Variants in BRIP1 observed in about 807,000 individuals in gnomAD.
BRIP1 encodes the protein Fanconi anemia group J protein.
In BRIP1, 88 loss-of-function variants were observed where a neutral mutation model predicts 119.7. The observed-to-expected ratio is 0.74, with a 90% CI of 0.62 to 0.88. The LOEUF is 0.88. Ranked by LOEUF, BRIP1 falls within the 40% of genes least tolerant of loss-of-function variation. The pLI is 0.00. For synonymous variants in BRIP1, 443 were observed against 496.5 expected (o/e 0.89, Z 1.43); for missense variants, 1,259 against 1,455.4 (o/e 0.87, Z 2.20).
At position 61,693,360 on chromosome 17, in the gene BRIP1, G is replaced by C; in HGVS notation, c.2575+70C>G. 1 of 1,310,932 alleles carries C rather than the reference G, an allele frequency of 7.6e-7. No individual in the cohort carries two copies. The highest frequency in any genetic ancestry group is 1.1e-6 in the Non-Finnish European group (1 of 904,422). 81.2% of individuals were successfully genotyped at this position (1,310,932 alleles called of 1,614,324 possible). A position where few individuals can be genotyped will look rare whatever the true frequency, so the allele number is the denominator to read the frequency against. The stretch of plus-strand genomic sequence containing the variant: ...AATAAGATAGTAGAGCTCATGTTAT[G>C]TGTTTTTCACCACAATAAAAATATG... On this transcript the variant is annotated intron_variant, in intron 18 of 19. Coordinates refer to ENST00000259008, the MANE Select transcript of BRIP1 (RefSeq NM_032043.3). The surrounding 1 kb of genome is among the most constrained non-coding windows in gnomAD (Gnocchi z 4.2).
chr17:61,814,388 A>G lies in BRIP1; in HGVS notation c.628-5631T>C, dbSNP rs1032182919. 5.3e-5 allele frequency among the ~76,000 whole-genome samples: 8 copies of G among 152,070 alleles called. No homozygotes were observed. The highest frequency in any genetic ancestry group is 1.4e-4 in the African/African-American group (6 of 41,446). The stretch of plus-strand genomic sequence containing the variant: ...GTGAGGATCAGTATCTACAACATAT[A>G]AAGAATTCCAATAAATCTATTTTTA... On this transcript the variant is annotated intron_variant, in intron 6 of 19. Coordinates refer to ENST00000259008, the MANE Select transcript of BRIP1 (RefSeq NM_032043.3). The surrounding 1 kb of genome is among the most constrained non-coding windows in gnomAD (Gnocchi z 4.9).
chr17:61,790,773 G>C (rs143975189), intron 10 of BRIP1, among the ~76,000 whole-genome samples: 1 of 151,714 alleles, frequency 6.6e-6, no homozygotes, highest in Non-Finnish European at 1.5e-5. Context: ...CCAAGTAGCT[G>C]GGACTACAGC....
intron 16 of BRIP1, among the ~76,000 whole-genome samples, chr17:61,716,788 C>A (rs2061876626): frequency 6.8e-6 from 1 of 146,072 alleles, no homozygotes; most frequent in Non-Finnish European, 1.5e-5. Flanking sequence ...CATATTATTT[C>A]CACTACTGGA....
Position 61,752,624 on chromosome 17 carries a change from A to G in BRIP1, c.2098-8033T>C, listed in dbSNP as rs796927667. On this transcript the variant is annotated intron_variant, in intron 14 of 19. Transcript: ENST00000259008. This position sits in a 1 kb window ranked among gnomAD's most constrained non-coding sequence, Gnocchi z 6.2. ...TTTTCTTATAGTCTATTCCTTTATT[A>G]AATTGCCTACAAGTACGTGAATCCT... Among the ~76,000 whole-genome samples, 25 of 152,292 alleles carry G rather than the reference A, an allele frequency of 1.6e-4. No homozygotes were observed. The highest frequency in any genetic ancestry group is 6.0e-4 in the African/African-American group (25 of 41,562).
rs3034667 is a variant in BRIP1, at chr17:61,825,622, CAAAT to C, written c.628-16869_628-16866del. On this transcript the variant is annotated intron_variant, in intron 6 of 19. Coordinates refer to ENST00000259008, the MANE Select transcript of BRIP1 (RefSeq NM_032043.3). This position sits in a 1 kb window ranked among gnomAD's most constrained non-coding sequence, Gnocchi z 4.1. ...AATGCAATCCCATTCACAATTGCCA[CAAAT>C]AAATAAATAAATAAATAAATAAATA... 0.076 allele frequency among the ~76,000 whole-genome samples: 10,913 copies of C among 143,302 alleles called. 573 individuals carry two copies. The highest frequency in any genetic ancestry group is 0.16 in the African/African-American group (6,075 of 38,692). The allele number at this position is 143,302 out of a possible 152,430, so 94.0% of individuals were successfully genotyped here. A position where few individuals can be genotyped will look rare whatever the true frequency, so the allele number is the denominator to read the frequency against.
At position 61,736,241 on chromosome 17, in the gene BRIP1, T is replaced by C. The variant is rs988974297; in HGVS notation, c.2379+6772A>G. ...TACCCAGGAGACTGAGGCAGGAGGA[T>C]CAATTGAGCCCATGAGCTCAAGGCT... On this transcript the variant is annotated intron_variant, in intron 16 of 19. Transcript: ENST00000259008. This position sits in a 1 kb window ranked among gnomAD's most constrained non-coding sequence, Gnocchi z 4.4. 6.6e-6 allele frequency among the ~76,000 whole-genome samples: 1 copy of C among 151,690 alleles called. No homozygotes were observed. Among genetic ancestry groups the C allele is most frequent in the Non-Finnish European group, 1.5e-5 (1 of 67,964 alleles).
rs920110090 is a variant in BRIP1 at position 61,751,267 on chromosome 17, T to G, written c.2098-6676A>C. On this transcript the variant is annotated intron_variant, in intron 14 of 19. Coordinates refer to ENST00000259008, the MANE Select transcript of BRIP1 (RefSeq NM_032043.3). This position sits in a 1 kb window ranked among gnomAD's most constrained non-coding sequence, Gnocchi z 6.7. The stretch of plus-strand genomic sequence containing the variant: ...ATTATATGATTTCACTTATATGAGG[T>G]ACCTAGAATAGACAAATTCTTAGAG... 5.9e-5 allele frequency among the ~76,000 whole-genome samples: 9 copies of G among 152,150 alleles called. No homozygotes were observed. Among genetic ancestry groups the G allele is most frequent in the African/African-American group, 2.2e-4 (9 of 41,434 alleles).
chr17:61,811,303 C>A (rs1307947914), intron 6 of BRIP1, among the ~76,000 whole-genome samples: 2 of 152,024 alleles, frequency 1.3e-5, no homozygotes, highest in Non-Finnish European at 2.9e-5. Flanking sequence ...CGGCTTACCA[C>A]AACTCCATCT....
intron 18 of BRIP1, among the ~76,000 whole-genome samples, chr17:61,692,538 A>T (rs867147556): frequency 6.6e-6 from 1 of 152,326 alleles, no homozygotes; most frequent in Middle Eastern, 3.4e-3. Flanking sequence ...AACCCAATTA[A>T]AAAATGAGCA....
rs979904348 is a variant in BRIP1, at chr17:61,760,580, A to G, written c.2097+15821T>C. 2.0e-5 allele frequency among the ~76,000 whole-genome samples: 3 copies of G among 152,010 alleles called. No individual in the cohort carries two copies. The highest frequency in any genetic ancestry group is 2.4e-5 in the African/African-American group (1 of 41,456). On this transcript the variant is annotated intron_variant, in intron 14 of 19. Transcript: ENST00000259008. The surrounding 1 kb of genome is among the most constrained non-coding windows in gnomAD (Gnocchi z 4.6). ...AAAAAGAGAATATTCAAATAAAATG[A>G]GAAACAAATGAGGAGATATTATAAC... is the stretch of plus-strand genomic sequence containing the variant.
chr17:61,765,406 TATATATA>T (rs2077349474), intron 14 of BRIP1, among the ~76,000 whole-genome samples: 1 of 16,746 alleles, frequency 6.0e-5, no homozygotes, highest in African/African-American at 2.3e-4. Flanking sequence ...TATATATATA[TATATATA>T]TATATATATA....
rs916973362 is a variant in BRIP1 at position 61,846,547 on chromosome 17, C to T, written c.627+554G>A. ...GACTACAAGTGTGCACCACAACACC[C>T]GGCTAATTTTTGTATTTTTTGTAGA... On this transcript the variant is annotated intron_variant, in intron 6 of 19. Transcript: ENST00000259008. The surrounding 1 kb of genome is among the most constrained non-coding windows in gnomAD (Gnocchi z 4.3). Among the ~76,000 whole-genome samples the T allele has an allele frequency of 6.6e-6, 1 of 152,134 alleles. No homozygotes were observed. Among genetic ancestry groups the T allele is most frequent in the African/African-American group, 2.4e-5 (1 of 41,498 alleles).
At chr17:61,821,481 C>T (rs2078324524) in intron 6 of BRIP1, among the ~76,000 whole-genome samples, 1 of 149,028 alleles carries the variant, frequency 6.7e-6, no homozygotes, top group Admixed American at 6.7e-5. Flanking sequence ...ATTCTCCTGC[C>T]TCAATTTCAT....
chr17:61,680,005 A>G lies in BRIP1; in HGVS notation c.*3291T>C, dbSNP rs2061252433. 6.6e-6 allele frequency among the ~76,000 whole-genome samples: 1 copy of G among 152,106 alleles called. No homozygotes were observed. Among genetic ancestry groups the G allele is most frequent in the African/African-American group, 2.4e-5 (1 of 41,422 alleles). ...CACATCTCTATGTACATTCTCAGTA[A>G]TGAAAATTTTTAACTTCAGGGAGAA... On this transcript the variant is annotated 3_prime_UTR_variant, in exon 20 of 20. Transcript: ENST00000259008.
At chr17:61,797,259 C>T in intron 9 of BRIP1, among the ~76,000 whole-genome samples, 1 of 151,076 alleles carries the variant, frequency 6.6e-6, no homozygotes, top group East Asian at 1.9e-4. Context: ...TGAGGCACCC[C>T]AACATTTAGA....
rs2078079959 is a variant in BRIP1, at chr17:61,806,785, C to T, written c.918+1682G>A. Among the ~76,000 whole-genome samples, 1 of 152,216 alleles carries T rather than the reference C, an allele frequency of 6.6e-6. No individual in the cohort carries two copies. The highest frequency in any genetic ancestry group is 6.5e-5 in the Admixed American group (1 of 15,282). ...CGATCTTGGCTCACTGCAACCTCTGCCTCCTGGGTTCAAGCGATTCTCATG... is the reference window on the plus strand; with the variant it reads ...CGATCTTGGCTCACTGCAACCTCTGTCTCCTGGGTTCAAGCGATTCTCATG... On this transcript the variant is annotated intron_variant, in intron 7 of 19. Transcript: ENST00000259008. The surrounding 1 kb of genome is among the most constrained non-coding windows in gnomAD (Gnocchi z 4.9).
rs1567801821 is a variant in BRIP1, at chr17:61,768,824, T to C, written c.2097+7577A>G. On this transcript the variant is annotated intron_variant, in intron 14 of 19. Coordinates refer to ENST00000259008, the MANE Select transcript of BRIP1 (RefSeq NM_032043.3). This position sits in a 1 kb window ranked among gnomAD's most constrained non-coding sequence, Gnocchi z 5.0. ...TGAACGTAATTAAGGTCTACCTCAA[T>C]TGATTCTGAGTTAATCAAAAGGGAG... is the stretch of plus-strand genomic sequence containing the variant. Among the ~76,000 whole-genome samples, 3 of 152,140 alleles carry C rather than the reference T, an allele frequency of 2.0e-5. No homozygotes were observed. The highest frequency in any genetic ancestry group is 6.5e-5 in the Admixed American group (1 of 15,270).
At position 61,713,981 on chromosome 17, in the gene BRIP1, A is replaced by C. The variant is rs916323389; in HGVS notation, c.2492+1970T>G. Among the ~76,000 whole-genome samples the C allele has an allele frequency of 1.3e-5, 2 of 152,190 alleles. No individual in the cohort carries two copies. The highest frequency in any genetic ancestry group is 4.8e-5 in the African/African-American group (2 of 41,570). On this transcript the variant is annotated intron_variant, in intron 17 of 19. Coordinates refer to ENST00000259008, the MANE Select transcript of BRIP1 (RefSeq NM_032043.3). The surrounding 1 kb of genome is among the most constrained non-coding windows in gnomAD (Gnocchi z 4.9). ...GTTGTAAAAGAGTCAAAAAGGTAAA[A>C]AAAAAGATAAAAAGATAAAAAGTTT...
In BRIP1 at chr17:61,699,050, TG is replaced by T. The variant is rs946012629; in HGVS notation, c.2493-5539del. On this transcript the variant is annotated intron_variant, in intron 17 of 19. Coordinates refer to ENST00000259008, the MANE Select transcript of BRIP1 (RefSeq NM_032043.3). The surrounding 1 kb of genome is among the most constrained non-coding windows in gnomAD (Gnocchi z 4.8). The stretch of plus-strand genomic sequence containing the variant: ...TTAATTGTTTCTATTAACTTTTTTT[TG>T]TCTTAAGGGTCTATTTTATCTGATA... 2.6e-5 allele frequency among the ~76,000 whole-genome samples: 4 copies of T among 152,212 alleles called. No individual in the cohort carries two copies. The highest frequency in any genetic ancestry group is 9.7e-5 in the African/African-American group (4 of 41,450).
Sources: allele counts gnomAD v4.1 joint callset (sites outside exome capture counted in the v4.1 genomes callset), GRCh38; gene constraint gnomAD v4.1.1; non-coding constraint Gnocchi (gnomAD v3.1); transcripts MANE v1.5; gene names NCBI Gene and HGNC (gene_info 2026-07-23, HGNC 2026-07-21).